Variants in EXT1 observed in about 807,000 individuals in gnomAD.
The protein encoded by EXT1 is exostosin glycosyltransferase 1.
Under a neutral mutation model 82.5 loss-of-function variants are expected in EXT1, and 20 were observed. The ratio of observed to expected loss-of-function variants is 0.24; its 90% CI spans 0.17 to 0.35. The LOEUF is 0.35. Ranked by LOEUF, EXT1 falls within the 10% of genes least tolerant of loss-of-function variation. The pLI is 1.00. For missense variants in EXT1, 757 were observed against 936.5 expected, an observed-to-expected ratio of 0.81 and a Z score of 2.50; for synonymous variants, 348 against 350.8, an observed-to-expected ratio of 0.99 and a Z score of 0.09.
intron 1 of EXT1, among the ~76,000 whole-genome samples, chr8:117,889,031 G>C (rs1813197766): frequency 6.6e-6 from 1 of 152,206 alleles, no homozygotes; most frequent in African/African-American, 2.4e-5. Context: ...AGCCACGTAA[G>C]AGGGTATAGA....
intron 1 of EXT1, among the ~76,000 whole-genome samples, chr8:117,918,964 C>CA (rs35129089): frequency 0.49 from 73,290 of 149,150 alleles, 19,150 homozygotes; most frequent in South Asian, 0.66. Flanking sequence ...ATTCCTGAGG[C>CA]AAAAAAAAAA....
chr8:117,999,428 T>C (rs1469985323), intron 1 of EXT1, among the ~76,000 whole-genome samples: 1 of 152,238 alleles, frequency 6.6e-6, no homozygotes, highest in East Asian at 1.9e-4. Context: ...CCTTTGTAGA[T>C]GCACTCGATG....
intron 1 of EXT1, among the ~76,000 whole-genome samples, chr8:117,918,876 C>G (rs1197504324): frequency 6.6e-6 from 1 of 152,120 alleles, no homozygotes; most frequent in Admixed American, 6.5e-5. Flanking sequence ...TATCCACTGA[C>G]ATGATGTGTT....
At chr8:117,844,168 T>TATTATTATTA (rs1554580589) in intron 1 of EXT1, among the ~76,000 whole-genome samples, 1 of 149,408 alleles carries the variant, frequency 6.7e-6, no homozygotes, top group African/African-American at 2.5e-5. Flanking sequence ...TTATTATTAT[T>TATTATTATTA]TTGAGACAAG....
intron 1 of EXT1, among the ~76,000 whole-genome samples, chr8:117,940,881 C>T (rs1814259186): frequency 1.3e-5 from 2 of 152,050 alleles, no homozygotes; most frequent in Admixed American, 1.3e-4. Flanking sequence ...AGGGGAAATG[C>T]CTGGGTAATT....
intron 1 of EXT1, among the ~76,000 whole-genome samples, chr8:117,939,406 C>G (rs1244985360): frequency 6.6e-6 from 1 of 151,722 alleles, no homozygotes; most frequent in Non-Finnish European, 1.5e-5. Flanking sequence ...CCTGTCTCTA[C>G]CAAAAATACA....
At chr8:118,038,237 A>C (rs1419535712) in intron 1 of EXT1, among the ~76,000 whole-genome samples, 1 of 152,224 alleles carries the variant, frequency 6.6e-6, no homozygotes, top group Non-Finnish European at 1.5e-5. Flanking sequence ...TGGCATTTAA[A>C]ACACAAAATA....
chr8:117,819,085 G>A (rs1811877441), intron 6 of EXT1, among the ~76,000 whole-genome samples: 1 of 152,172 alleles, frequency 6.6e-6, no homozygotes, highest in African/African-American at 2.4e-5. Context: ...GTTCAAAAAT[G>A]CATACTTCCT....
intron 1 of EXT1, among the ~76,000 whole-genome samples, chr8:118,028,852 G>T (rs987248729): frequency 6.6e-6 from 1 of 152,032 alleles, no homozygotes; most frequent in Non-Finnish European, 1.5e-5. Context: ...AACCTGGGAG[G>T]CAGAAGCTGC....
intron 1 of EXT1, among the ~76,000 whole-genome samples, chr8:117,896,300 T>C (rs1813334405): frequency 6.6e-6 from 1 of 152,250 alleles, no homozygotes; most frequent in Non-Finnish European, 1.5e-5. Flanking sequence ...TTGTATTTTA[T>C]TACGAGCTTC....
At chr8:117,892,607 T>A (rs747647568) in intron 1 of EXT1, among the ~76,000 whole-genome samples, 2 of 152,194 alleles carry the variant, frequency 1.3e-5, no homozygotes, top group African/African-American at 2.4e-5. Context: ...AGCTGACTTA[T>A]CCTTTAAAAG....
intron 1 of EXT1, among the ~76,000 whole-genome samples, chr8:118,015,460 T>C (rs1226140238): frequency 6.6e-6 from 1 of 152,102 alleles, no homozygotes; most frequent in Admixed American, 6.6e-5. Context: ...TCTAATAATT[T>C]GGAAAAAAAA....
chr8:117,936,608 C>T (rs370765918), intron 1 of EXT1, among the ~76,000 whole-genome samples: 32 of 152,310 alleles, frequency 2.1e-4, no homozygotes, highest in African/African-American at 7.5e-4. Context: ...GGCCCGGAGG[C>T]TCACGCTTGT....
intron 1 of EXT1, among the ~76,000 whole-genome samples, chr8:117,910,979 C>A (rs1813636102): frequency 2.0e-5 from 3 of 152,180 alleles, no homozygotes; most frequent in Admixed American, 2.0e-4. Flanking sequence ...CCAGAAGGAT[C>A]AAGGTGAAGG....
In EXT1 at chr8:117,845,566, AAAT is replaced by A. The variant is rs1266084684; in HGVS notation, c.963-8368_963-8366del. 5.7e-3 allele frequency among the ~76,000 whole-genome samples: 861 copies of A among 150,306 alleles called. 9 individuals carry two copies. The highest frequency in any genetic ancestry group is 0.018 in the African/African-American group (711 of 40,338). On this transcript the variant is annotated intron_variant, in intron 1 of 10. Transcript: ENST00000378204. ...ATATATAAAAGTAAGTAAAAAAAAA[AAAT>A]AAATAAAAGATAGCTATTAATAACA...
At chr8:117,841,365 G>A (rs1812271347) in intron 1 of EXT1, among the ~76,000 whole-genome samples, 1 of 152,080 alleles carries the variant, frequency 6.6e-6, no homozygotes, top group South Asian at 2.1e-4. Context: ...CATAGTTACA[G>A]GGATAAAGAA....
chr8:117,881,864 G>C (rs1813065017), intron 1 of EXT1, among the ~76,000 whole-genome samples: 1 of 152,180 alleles, frequency 6.6e-6, no homozygotes, highest in Non-Finnish European at 1.5e-5. Context: ...CTCCTCCTAA[G>C]CTACAGCTGC....
At chr8:118,046,198 C>T (rs551324267) in intron 1 of EXT1, among the ~76,000 whole-genome samples, 46 of 152,058 alleles carry the variant, frequency 3.0e-4, no homozygotes, top group Admixed American at 1.2e-3. Flanking sequence ...GTCTAGTTTC[C>T]CATTCACACA....
intron 1 of EXT1, among the ~76,000 whole-genome samples, chr8:118,087,587 T>C (rs990162246): frequency 5.3e-5 from 8 of 152,180 alleles, no homozygotes; most frequent in Non-Finnish European, 1.2e-4. Context: ...CATAAAGTTA[T>C]GCCAGTTGAA....
Sources: allele counts gnomAD v4.1 joint callset (sites outside exome capture counted in the v4.1 genomes callset), GRCh38; gene constraint gnomAD v4.1.1; transcripts MANE v1.5; gene names NCBI Gene and HGNC (gene_info 2026-07-23, HGNC 2026-07-21).